KCNMB2: variants seen among roughly 807,000 people sequenced by gnomAD.
KCNMB2 encodes potassium calcium-activated channel subfamily M regulatory beta subunit 2.
A neutral mutation model predicts 24.5 loss-of-function variants in KCNMB2; 9 were observed. The observed-to-expected ratio is 0.37, with a 90% CI of 0.22 to 0.64. The LOEUF is 0.64. KCNMB2 is among the 30% of genes least tolerant of loss of function. The pLI is 0.63. For missense variants in KCNMB2, 226 were observed against 284.3 expected (o/e 0.79, Z 1.47); for synonymous variants, 109 against 104.4 (o/e 1.04, Z -0.27).
At chr3:178,589,316 C>T (rs1309311374) in intron 1 of KCNMB2, among the ~76,000 whole-genome samples, 2 of 152,148 alleles carry the variant, frequency 1.3e-5, no homozygotes, top group South Asian at 2.1e-4. Flanking sequence ...CCTGAGCTCA[C>T]GTGCAAATAC....
At chr3:178,568,404 C>G (rs1385019781) in intron 1 of KCNMB2, among the ~76,000 whole-genome samples, 2 of 152,180 alleles carry the variant, frequency 1.3e-5, no homozygotes, top group African/African-American at 4.8e-5. Flanking sequence ...ATGATACTTT[C>G]CTGTTTCCCT....
chr3:178,824,685 C>CACTT (rs1267583707), intron 2 of KCNMB2: 1 of 152,388 alleles, frequency 6.6e-6, no homozygotes, highest in Non-Finnish European at 1.5e-5. Flanking sequence ...AATCTCATGT[C>CACTT]AGTCATTCTC....
intron 1 of KCNMB2, among the ~76,000 whole-genome samples, chr3:178,683,810 A>G (rs1023798197): frequency 1.3e-5 from 2 of 152,220 alleles, no homozygotes. Context: ...CAAAAGGTAA[A>G]TATTGGCAAA....
chr3:178,706,037 G>C (rs1722267004), intron 1 of KCNMB2, among the ~76,000 whole-genome samples: 1 of 152,130 alleles, frequency 6.6e-6, no homozygotes, highest in Non-Finnish European at 1.5e-5. Flanking sequence ...TGTAGGGAGG[G>C]AGGGGAAAAT....
chr3:178,816,766 T>C (rs1714417849), intron 2 of KCNMB2, among the ~76,000 whole-genome samples: 1 of 152,170 alleles, frequency 6.6e-6, no homozygotes, highest in Non-Finnish European at 1.5e-5. Flanking sequence ...TACTTTCTTC[T>C]GTAGATGTCA....
chr3:178,833,556 G>A (rs541014055), intron 4 of KCNMB2, among the ~76,000 whole-genome samples: 1 of 152,178 alleles, frequency 6.6e-6, no homozygotes, highest in Non-Finnish European at 1.5e-5. Context: ...AATTTTCAAC[G>A]TCAACTCCCC....
chr3:178,817,046 G>A (rs137915864), intron 2 of KCNMB2, among the ~76,000 whole-genome samples: 108 of 151,930 alleles, frequency 7.1e-4, no homozygotes, highest in African/African-American at 2.5e-3. Context: ...CTAAAGGCAG[G>A]ACTAAAAAGA....
intron 1 of KCNMB2, among the ~76,000 whole-genome samples, chr3:178,680,642 G>A (rs561133997): frequency 1.3e-5 from 2 of 152,180 alleles, no homozygotes; most frequent in South Asian, 4.2e-4. Flanking sequence ...CTCCATCAGA[G>A]CTCTCTGCTG....
intron 1 of KCNMB2, among the ~76,000 whole-genome samples, chr3:178,633,885 A>G (rs1276678399): frequency 6.6e-6 from 1 of 152,240 alleles, no homozygotes; most frequent in African/African-American, 2.4e-5. Flanking sequence ...TTCTTCTGCC[A>G]GATACCTTAA....
intron 1 of KCNMB2, among the ~76,000 whole-genome samples, chr3:178,708,656 A>G (rs1435243561): frequency 6.6e-6 from 1 of 152,142 alleles, no homozygotes; most frequent in Non-Finnish European, 1.5e-5. Context: ...CTCCCTCTAT[A>G]CCATGAGCTA....
In KCNMB2 at chr3:178,558,360, CTGTGTG is replaced by C. The variant is rs1413474123; in HGVS notation, c.-68+21653_-68+21658del. 2.0e-5 allele frequency among the ~76,000 whole-genome samples: 3 copies of C among 152,162 alleles called. No individual in the cohort carries two copies. In the East Asian group the frequency reaches 5.8e-4, roughly 29 times the overall value. ...CTTATTTTAAGTAATTAAAAAGGAG[CTGTGTG>C]TGTAGTAACAAGATCAGTGGGTCTC... On this transcript the variant is annotated intron_variant, in intron 1 of 4. Coordinates refer to ENST00000452583, the MANE Select transcript of KCNMB2 (RefSeq NM_181361.3).
chr3:178,694,038 C>T (rs554442632), intron 1 of KCNMB2, among the ~76,000 whole-genome samples: 9 of 152,078 alleles, frequency 5.9e-5, no homozygotes, highest in South Asian at 4.2e-4. Context: ...AAGACATACC[C>T]GACACTGGGT....
At chr3:178,651,936 A>G (rs1275290584) in intron 1 of KCNMB2, among the ~76,000 whole-genome samples, 1 of 152,230 alleles carries the variant, frequency 6.6e-6, no homozygotes, top group African/African-American at 2.4e-5. Flanking sequence ...TGGATTAAAG[A>G]CTTAAACATC....
chr3:178,658,611 A>AT (rs1720422281), intron 1 of KCNMB2, among the ~76,000 whole-genome samples: 1 of 152,032 alleles, frequency 6.6e-6, no homozygotes, highest in Non-Finnish European at 1.5e-5. Flanking sequence ...TAAAAGATGA[A>AT]TTTTTTCTGA....
intron 1 of KCNMB2, among the ~76,000 whole-genome samples, chr3:178,676,369 G>T (rs1191070285): frequency 2.0e-5 from 3 of 152,146 alleles, no homozygotes; most frequent in Non-Finnish European, 2.9e-5. Context: ...CAGACATGTG[G>T]AGATACTGAC....
chr3:178,827,746 T>C (rs1241977006), intron 3 of KCNMB2, among the ~76,000 whole-genome samples: 3 of 152,166 alleles, frequency 2.0e-5, no homozygotes, highest in Non-Finnish European at 4.4e-5. Flanking sequence ...CTTCTGTGCC[T>C]ACAAACTGGG....
rs1388706163 is a variant in KCNMB2, at chr3:178,640,320, C to A, written c.-68+103609C>A. 2.0e-5 allele frequency among the ~76,000 whole-genome samples: 3 copies of A among 152,248 alleles called. No homozygotes were observed. The East Asian group carries it at 5.8e-4, about 29-fold the overall frequency. ...TGGGAGGCCTCAGGAAACTTACAAT[C>A]ACAGCAGAAGGCAAAGGGGAAGCAA... On this transcript the variant is annotated intron_variant, in intron 1 of 4. Transcript: ENST00000452583.
chr3:178,700,904 G>A (rs1722067768), intron 1 of KCNMB2, among the ~76,000 whole-genome samples: 1 of 152,158 alleles, frequency 6.6e-6, no homozygotes. Context: ...CATTCTGTAG[G>A]TTGCCTGTTC....
At chr3:178,602,738 G>A (rs1449496379) in intron 1 of KCNMB2, among the ~76,000 whole-genome samples, 1 of 152,040 alleles carries the variant, frequency 6.6e-6, no homozygotes. Flanking sequence ...GAAGTGAGTG[G>A]GTTGACGTTG....
Sources: allele counts gnomAD v4.1 joint callset (sites outside exome capture counted in the v4.1 genomes callset), GRCh38; gene constraint gnomAD v4.1.1; transcripts MANE v1.5; gene names NCBI Gene and HGNC (gene_info 2026-07-23, HGNC 2026-07-21).